CDH18: variants seen among roughly 807,000 people sequenced by gnomAD.
The protein encoded by CDH18 is cadherin-18.
In CDH18, 31 loss-of-function variants were observed where a neutral mutation model predicts 67.9. The ratio of observed to expected loss-of-function variants is 0.46; its 90% CI spans 0.34 to 0.62. The LOEUF is 0.62. Among genes scored for constraint, CDH18 ranks in the 20% least tolerant of loss-of-function variants. The probability of loss-of-function intolerance (pLI) is 0.01; values close to 1 mark genes in which losing one functional copy is unlikely to be tolerated. For missense variants in CDH18, 890 were observed against 975.5 expected (o/e 0.91, Z 1.17); for synonymous variants, 362 against 347.2 (o/e 1.04, Z -0.48).
At chr5:19,722,173 C>T (rs979492007) in intron 4 of CDH18, among the ~76,000 whole-genome samples, 1 of 152,114 alleles carries the variant, frequency 6.6e-6, no homozygotes, top group Non-Finnish European at 1.5e-5. Context: ...CCTGCCTCAG[C>T]TTCCTGAGTA....
intron 1 of CDH18, among the ~76,000 whole-genome samples, chr5:20,517,970 A>C (rs756139637): frequency 6.6e-6 from 1 of 152,112 alleles, no homozygotes; most frequent in Non-Finnish European, 1.5e-5. Context: ...AATCTATATC[A>C]CAAAAGATAT....
intron 1 of CDH18, among the ~76,000 whole-genome samples, chr5:20,531,127 CAT>C (rs1457509223): frequency 6.6e-6 from 1 of 152,030 alleles, no homozygotes; most frequent in African/African-American, 2.4e-5. Flanking sequence ...GGCCAACAAA[CAT>C]ATGAAAAATA....
chr5:19,569,646 A>G (rs186308226), intron 8 of CDH18, among the ~76,000 whole-genome samples: 22 of 152,306 alleles, frequency 1.4e-4, no homozygotes, highest in African/African-American at 4.1e-4. Context: ...TGATTAAAAC[A>G]TAGTCTAAGA....
chr5:19,517,358 T>C (rs998759546), intron 10 of CDH18, among the ~76,000 whole-genome samples: 13 of 151,416 alleles, frequency 8.6e-5, no homozygotes, highest in Admixed American at 2.0e-4. Context: ...TTTGAAACTA[T>C]AGTACTATAA....
Position 19,600,429 on chromosome 5 carries a change from T to C in CDH18, c.812-9185A>G, listed in dbSNP as rs116172192. ...GCTTTTAATGTCTTAAATTAACTTA[T>C]ATCTACTGAGCCAGCTGTTCTCTAT... On this transcript the variant is annotated intron_variant, in intron 6 of 12. Transcript: ENST00000382275. Among the ~76,000 whole-genome samples, 246 of 151,654 alleles carry C rather than the reference T, an allele frequency of 1.6e-3. 1 individual carries two copies. Among genetic ancestry groups the C allele is most frequent in the African/African-American group, 5.8e-3 (238 of 41,310 alleles).
At position 19,473,294 on chromosome 5, in the gene CDH18, C is replaced by T; in HGVS notation, c.2305G>A (p.Asp769Asn). 6.2e-7 allele frequency: 1 copy of T among 1,613,802 alleles called. No homozygotes were observed. ...AACTTTTTAAACTCGGGTCCCCAGTCTCCAAGGTAGTGATAATCCTGGTCT... is the reference window on the plus strand; with the variant it reads ...AACTTTTTAAACTCGGGTCCCCAGTTTCCAAGGTAGTGATAATCCTGGTCT... ...QSDQDYHYLG[D>N]WGPEFKKLAE... The change falls in exon 13 of 13, where the codon GAC becomes AAC. Residue 769 changes from aspartate (D) to asparagine (N), a missense_variant. Coordinates refer to ENST00000382275, the MANE Select transcript of CDH18 (RefSeq NM_004934.5).
chr5:20,122,492 A>T (rs987840849), intron 2 of CDH18, among the ~76,000 whole-genome samples: 1 of 152,172 alleles, frequency 6.6e-6, no homozygotes, highest in African/African-American at 2.4e-5. Context: ...TTAATTCCTA[A>T]AATCAAAAGA....
intron 1 of CDH18, among the ~76,000 whole-genome samples, chr5:20,571,642 ACT>A (rs1048715289): frequency 8.5e-5 from 13 of 152,080 alleles, no homozygotes; most frequent in African/African-American, 2.9e-4. Context: ...GAGAAAAATA[ACT>A]CTATATATTT....
At chr5:19,817,740 C>G (rs1488432395) in intron 3 of CDH18, among the ~76,000 whole-genome samples, 4 of 151,952 alleles carry the variant, frequency 2.6e-5, no homozygotes, top group African/African-American at 7.2e-5. Flanking sequence ...AGAACCTGAT[C>G]CCAAGACATG....
At chr5:19,733,214 T>C (rs1028842999) in intron 4 of CDH18, among the ~76,000 whole-genome samples, 3 of 152,206 alleles carry the variant, frequency 2.0e-5, no homozygotes, top group Admixed American at 2.0e-4. Flanking sequence ...ACAGACCAGA[T>C]AGAGAACCTG....
intron 8 of CDH18, among the ~76,000 whole-genome samples, chr5:19,547,459 AT>A (rs1396053139): frequency 3.3e-5 from 5 of 152,196 alleles, no homozygotes; most frequent in Non-Finnish European, 7.4e-5. Flanking sequence ...AGCATGTCTC[AT>A]TTTAGAAGTT....
At chr5:20,292,981 C>A (rs2940438) in intron 1 of CDH18, among the ~76,000 whole-genome samples, 1 of 151,970 alleles carries the variant, frequency 6.6e-6, no homozygotes, top group Non-Finnish European at 1.5e-5. Context: ...TTTTAGGGGA[C>A]ACAACTCAAC....
chr5:20,010,504 C>A (rs1307632815), intron 2 of CDH18, among the ~76,000 whole-genome samples: 1 of 152,058 alleles, frequency 6.6e-6, no homozygotes, highest in East Asian at 1.9e-4. Context: ...CCACCATGCC[C>A]AGCCTATGCC....
rs1580711495 is a variant in CDH18, at chr5:20,305,552, G to A, written c.-579-50047C>T. The A allele has an allele frequency of 8.4e-6, 6 of 714,868 alleles. No individual in the cohort carries two copies. In the East Asian group the frequency reaches 1.6e-4, roughly 19 times the overall value. 44.3% of individuals were successfully genotyped at this position (714,868 alleles called of 1,614,324 possible). The stretch of plus-strand genomic sequence containing the variant: ...GGGTCTCGAGCGGCTGGTGGTCGCG[G>A]GGCTGAGGGCGCTCGGCCGCTTCCG... On this transcript the variant is annotated intron_variant, in intron 1 of 14. Transcript: ENST00000507958.
intron 10 of CDH18, among the ~76,000 whole-genome samples, chr5:19,514,835 A>T (rs1168963916): frequency 6.6e-6 from 1 of 152,066 alleles, no homozygotes; most frequent in African/African-American, 2.4e-5. Context: ...TGCTGTGCTG[A>T]AGGTTTTTAG....
At chr5:20,337,537 A>G (rs1403389672) in intron 1 of CDH18, among the ~76,000 whole-genome samples, 2 of 152,150 alleles carry the variant, frequency 1.3e-5, no homozygotes, top group East Asian at 3.9e-4. Flanking sequence ...CTAAAACATA[A>G]CAAGCATCAC....
At chr5:20,545,070 A>C (rs1308533961) in intron 1 of CDH18, among the ~76,000 whole-genome samples, 1 of 152,218 alleles carries the variant, frequency 6.6e-6, no homozygotes, top group South Asian at 2.1e-4. Context: ...ACCTGGCCAG[A>C]CAGTCATTAA....
chr5:19,996,584 C>T (rs1736038796), intron 2 of CDH18, among the ~76,000 whole-genome samples: 1 of 151,994 alleles, frequency 6.6e-6, no homozygotes, highest in Non-Finnish European at 1.5e-5. Flanking sequence ...TTCCTCACTA[C>T]CTTCTAACAA....
chr5:19,791,507 T>C (rs1776358200), intron 3 of CDH18, among the ~76,000 whole-genome samples: 1 of 152,182 alleles, frequency 6.6e-6, no homozygotes, highest in African/African-American at 2.4e-5. Flanking sequence ...TGTAAGGATA[T>C]GTTAACTTTC....
Sources: allele counts gnomAD v4.1 joint callset (sites outside exome capture counted in the v4.1 genomes callset), GRCh38; gene constraint gnomAD v4.1.1; transcripts MANE v1.5; gene names NCBI Gene and HGNC (gene_info 2026-07-23, HGNC 2026-07-21).